FBXW11: variants seen among roughly 807,000 people sequenced by gnomAD.
FBXW11 encodes the protein F-box and WD repeat domain containing 11.
FBXW11 carries 19 observed loss-of-function variants against 77.6 expected under a neutral mutation model. The observed-to-expected ratio is 0.24, with a 90% CI of 0.17 to 0.36. FBXW11 has a LOEUF of 0.36. Among genes scored for constraint, FBXW11 ranks in the 10% least tolerant of loss-of-function variants. The probability of loss-of-function intolerance (pLI) is 1.00; values close to 1 mark genes in which losing one functional copy is unlikely to be tolerated. For missense variants in FBXW11, 334 were observed against 704.2 expected (o/e 0.47, Z 5.95); for synonymous variants, 235 against 249.4 (o/e 0.94, Z 0.54).
At chr5:171,994,395 A>T (rs1458876444) in intron 1 of FBXW11, among the ~76,000 whole-genome samples, 1 of 152,206 alleles carries the variant, frequency 6.6e-6, no homozygotes. Context: ...ATCCAAAAAT[A>T]CAAAATCCAA....
chr5:171,995,418 G>T (rs1489543730), intron 1 of FBXW11, among the ~76,000 whole-genome samples: 1 of 152,030 alleles, frequency 6.6e-6, no homozygotes, highest in Non-Finnish European at 1.5e-5. Context: ...CAGTAAGCAA[G>T]CATTTAATCA....
intron 2 of FBXW11, among the ~76,000 whole-genome samples, chr5:171,951,207 C>CAA (rs34461043): frequency 4.9e-4 from 73 of 149,222 alleles, no homozygotes; most frequent in Middle Eastern, 6.9e-3. Flanking sequence ...CCACAAAAGA[C>CAA]AAAAAAAAAA....
chr5:171,967,961 CT>C, intron 1 of FBXW11, among the ~76,000 whole-genome samples: 1 of 148,432 alleles, frequency 6.7e-6, no homozygotes, highest in Middle Eastern at 3.5e-3. Flanking sequence ...TTATTTTATT[CT>C]TTTGGGCTGC....
In FBXW11 at chr5:171,898,301, T is replaced by G. The variant is rs187852969; in HGVS notation, c.714+703A>C. Among the ~76,000 whole-genome samples, 9 of 152,316 alleles carry G rather than the reference T, an allele frequency of 5.9e-5. No homozygotes were observed. The East Asian group carries it at 1.7e-3, about 29-fold the overall frequency. On this transcript the variant is annotated intron_variant, in intron 6 of 13. Coordinates refer to ENST00000517395, the MANE Select transcript of FBXW11 (RefSeq NM_001378974.1). ...TTGCCTAGCAAAGGCTAAAGTTTTC[T>G]GCCAAGGAGGAAACAGTGAAGTAAC...
chr5:171,916,254 GAA>G (rs34199464), intron 2 of FBXW11, among the ~76,000 whole-genome samples: 7 of 139,722 alleles, frequency 5.0e-5, no homozygotes, highest in African/African-American at 1.9e-4. Flanking sequence ...AAAAAAATGA[GAA>G]AAAAAAAAAA....
chr5:171,883,855 G>GT (rs1758697045), intron 7 of FBXW11, among the ~76,000 whole-genome samples: 1 of 151,690 alleles, frequency 6.6e-6, no homozygotes, highest in Non-Finnish European at 1.5e-5. Flanking sequence ...GGGATTGTTT[G>GT]TTTTTTTCTT....
At chr5:171,964,310 A>G (rs947634193) in intron 1 of FBXW11, among the ~76,000 whole-genome samples, 4 of 152,246 alleles carry the variant, frequency 2.6e-5, no homozygotes, top group African/African-American at 9.6e-5. Flanking sequence ...GAAGAGAAAT[A>G]AAAGATCAAT....
chr5:171,913,416 A>C (rs1761008120), intron 3 of FBXW11, among the ~76,000 whole-genome samples: 1 of 152,202 alleles, frequency 6.6e-6, no homozygotes, highest in Admixed American at 6.5e-5. Context: ...GTAAATGAAG[A>C]GCATCCCACT....
intron 1 of FBXW11, among the ~76,000 whole-genome samples, chr5:171,989,806 A>G (rs998550174): frequency 6.6e-6 from 1 of 152,218 alleles, no homozygotes; most frequent in Non-Finnish European, 1.5e-5. Context: ...GAAAATTTAG[A>G]TTTAATTGAT....
At chr5:171,990,953 G>A (rs938655663) in intron 1 of FBXW11, among the ~76,000 whole-genome samples, 1 of 152,030 alleles carries the variant, frequency 6.6e-6, no homozygotes, top group African/African-American at 2.4e-5. Flanking sequence ...AGCCTCCCAA[G>A]TAGCTGGGAT....
chr5:171,895,164 T>TA (rs1759660023), intron 6 of FBXW11, among the ~76,000 whole-genome samples: 1 of 152,204 alleles, frequency 6.6e-6, no homozygotes, highest in African/African-American at 2.4e-5. Context: ...TCATTTCACT[T>TA]AGCCATCATG....
intron 1 of FBXW11, among the ~76,000 whole-genome samples, chr5:171,974,473 T>C (rs1323341857): frequency 6.6e-6 from 1 of 150,844 alleles, no homozygotes; most frequent in Non-Finnish European, 1.5e-5. Context: ...CACACACACA[T>C]ATATACAGGT....
rs564134575 is a variant in FBXW11, at chr5:171,888,962, T to A, written c.852+2505A>T. ...TTCAGTCAACTTGAAGATAGGCCAA[T>A]AGAAATTATCCAGAAAAGGGAGGAA... On this transcript the variant is annotated intron_variant, in intron 7 of 13. Coordinates refer to ENST00000517395, the MANE Select transcript of FBXW11 (RefSeq NM_001378974.1). Among the ~76,000 whole-genome samples the A allele has an allele frequency of 5.3e-5, 8 of 151,968 alleles. No homozygotes were observed. In the East Asian group the frequency reaches 1.2e-3, roughly 22 times the overall value.
chr5:171,868,690 C>G lies in FBXW11; in HGVS notation c.1637G>C (p.Ser546Thr), dbSNP rs1338877910. The change falls in exon 13 of 14, where the codon AGT (serine) becomes ACT (threonine). Residue 546 changes from serine (S) to threonine (T), a missense_variant. Physicochemically the swap from Ser to Thr is moderately conservative, Grantham distance 58. Coordinates refer to ENST00000517395, the MANE Select transcript of FBXW11 (RefSeq NM_001378974.1). The part of the protein sequence containing the change: ...LIWDFLNVPP[S>T]AQNETRSPSR... Reference sequence around the variant, plus strand: ...GGGAGAACGGGTCTCATTCTGGGCACTGGGAGGCACATTTAAGAAATCCCA... The same window carrying G: ...GGGAGAACGGGTCTCATTCTGGGCAGTGGGAGGCACATTTAAGAAATCCCA... 1 of 1,613,912 alleles carries G rather than the reference C, an allele frequency of 6.2e-7. No individual in the cohort carries two copies. Among genetic ancestry groups the G allele is most frequent in the Non-Finnish European group, 8.5e-7 (1 of 1,179,894 alleles).
At chr5:171,944,555 C>T (rs1180724902) in intron 2 of FBXW11, among the ~76,000 whole-genome samples, 2 of 118,478 alleles carry the variant, frequency 1.7e-5, no homozygotes, top group South Asian at 2.8e-4. Flanking sequence ...CCAGCCTGGG[C>T]GACAGCGAGA....
At chr5:171,993,912 T>C (rs781238110) in intron 1 of FBXW11, among the ~76,000 whole-genome samples, 12 of 152,202 alleles carry the variant, frequency 7.9e-5, no homozygotes, top group Non-Finnish European at 1.3e-4. Context: ...TCTACCATAT[T>C]GAACAGTGCA....
chr5:171,976,134 T>C (rs922506650), intron 1 of FBXW11, among the ~76,000 whole-genome samples: 15 of 152,114 alleles, frequency 9.9e-5, no homozygotes, highest in Admixed American at 3.9e-4. Flanking sequence ...TTCAAAATGA[T>C]AGTTGAAGTA....
intron 1 of FBXW11, among the ~76,000 whole-genome samples, chr5:171,995,708 G>C (rs980964791): frequency 1.3e-5 from 2 of 151,328 alleles, no homozygotes; most frequent in Non-Finnish European, 1.5e-5. Context: ...AGTGGAGATC[G>C]CGCCACTGCA....
At chr5:171,972,495 T>C (rs1308375232) in intron 1 of FBXW11, among the ~76,000 whole-genome samples, 1 of 89,608 alleles carries the variant, frequency 1.1e-5, no homozygotes, top group East Asian at 3.1e-4. Context: ...AGTGAGACTC[T>C]GTCTCATAAA....
Sources: gnomAD v4.1 joint callset for allele counts (sites outside exome capture counted in the v4.1 genomes callset) on GRCh38, gnomAD v4.1.1 for gene constraint, MANE v1.5 for transcripts, NCBI Gene and HGNC (gene_info 2026-07-23, HGNC 2026-07-21) for gene names.